The following SGCD variants were observed in gnomAD, a reference collection of about 807,000 sequenced individuals.
SGCD encodes sarcoglycan delta.
SGCD carries 18 observed loss-of-function variants against 36.6 expected under a neutral mutation model. The ratio of observed to expected loss-of-function variants is 0.49; its 90% CI spans 0.34 to 0.73. The LOEUF is 0.73. Ranked by LOEUF, SGCD falls within the 30% of genes least tolerant of loss-of-function variation. The probability of loss-of-function intolerance (pLI) is 0.01; values close to 1 mark genes in which losing one functional copy is unlikely to be tolerated. For missense variants in SGCD, 387 were observed against 346.7 expected (o/e 1.12, Z -0.92); for synonymous variants, 133 against 130.6 (o/e 1.02, Z -0.12).
intron 1 of SGCD, among the ~76,000 whole-genome samples, chr5:156,017,242 T>C (rs573263423): frequency 3.1e-4 from 47 of 152,332 alleles, no homozygotes; most frequent in African/African-American, 9.9e-4. Context: ...CTTATATATT[T>C]GAGATGACGC....
chr5:156,135,298 C>T (rs947141493), intron 3 of SGCD, among the ~76,000 whole-genome samples: 1 of 151,926 alleles, frequency 6.6e-6, no homozygotes, highest in Admixed American at 6.6e-5. Context: ...TTCATATTTT[C>T]CTCCTACCCA....
chr5:156,035,951 A>G (rs1389799519), intron 1 of SGCD, among the ~76,000 whole-genome samples: 3 of 152,166 alleles, frequency 2.0e-5, no homozygotes, highest in African/African-American at 7.2e-5. Context: ...TTTAATAGGG[A>G]AGCTGTTAGT....
At chr5:156,464,387 A>AT (rs1353897642) in intron 3 of SGCD, among the ~76,000 whole-genome samples, 12 of 151,722 alleles carry the variant, frequency 7.9e-5, no homozygotes, top group Admixed American at 5.3e-4. Context: ...TACCTGACTA[A>AT]TTTTTTGTAT....
chr5:155,872,570 T>C (rs1474951369), intron 1 of SGCD, among the ~76,000 whole-genome samples: 1 of 152,202 alleles, frequency 6.6e-6, no homozygotes, highest in African/African-American at 2.4e-5. Context: ...TAAAGGATGC[T>C]ATGCTTTTGT....
At chr5:155,751,261 T>C in the SGCD span, among the ~76,000 whole-genome samples, 6 of 152,196 alleles carry the variant, frequency 3.9e-5, no homozygotes, top group African/African-American at 1.4e-4. Context: ...ATTTTTGAGT[T>C]TGACAAGTTA....
At chr5:156,224,273 A>G (rs1241695891) in intron 3 of SGCD, among the ~76,000 whole-genome samples, 1 of 152,036 alleles carries the variant, frequency 6.6e-6, no homozygotes, top group Non-Finnish European at 1.5e-5. Context: ...CCATTCTCTT[A>G]AGAATTTGGC....
intron 1 of SGCD, among the ~76,000 whole-genome samples, chr5:155,997,581 C>T (rs1049576079): frequency 2.6e-5 from 4 of 152,224 alleles, no homozygotes; most frequent in Non-Finnish European, 5.9e-5. Context: ...TTGTTCCTCT[C>T]TTGTTTTAAG....
At chr5:156,718,189 T>C (rs1755312850) in intron 7 of SGCD, among the ~76,000 whole-genome samples, 1 of 152,184 alleles carries the variant, frequency 6.6e-6, no homozygotes, top group African/African-American at 2.4e-5. Flanking sequence ...CCATGCCATG[T>C]TCTTCTCTGA....
intron 1 of SGCD, among the ~76,000 whole-genome samples, chr5:156,075,540 G>T (rs181213347): frequency 6.6e-6 from 1 of 152,236 alleles, no homozygotes; most frequent in African/African-American, 2.4e-5. Context: ...GGATTTAAGG[G>T]TTGGAATCAA....
chr5:156,302,308 A>T (rs1353938085), intron 3 of SGCD, among the ~76,000 whole-genome samples: 2 of 151,992 alleles, frequency 1.3e-5, no homozygotes, highest in African/African-American at 2.4e-5. Context: ...AGACTGATGC[A>T]TTCTTCAGTA....
chr5:155,951,412 C>T (rs1459259218), intron 1 of SGCD, among the ~76,000 whole-genome samples: 3 of 151,900 alleles, frequency 2.0e-5, no homozygotes, highest in Admixed American at 6.6e-5. Flanking sequence ...GATGTTGGCC[C>T]AAAGAATTCA....
intron 4 of SGCD, among the ~76,000 whole-genome samples, chr5:156,540,223 G>A (rs576331507): frequency 6.6e-6 from 1 of 152,184 alleles, no homozygotes; most frequent in African/African-American, 2.4e-5. Context: ...TAATAAGATA[G>A]AAATATTGTA....
At chr5:156,262,976 AATTT>A (rs757247371) in intron 3 of SGCD, among the ~76,000 whole-genome samples, 31 of 151,890 alleles carry the variant, frequency 2.0e-4, no homozygotes, top group African/African-American at 5.8e-4. Context: ...TATACACTAC[AATTT>A]ATTTATCTAC....
chr5:156,046,629 C>T (rs56347212), intron 1 of SGCD, among the ~76,000 whole-genome samples: 23,097 of 151,984 alleles, frequency 0.15, 2,094 homozygotes, highest in Non-Finnish European at 0.2. Flanking sequence ...ATGCGACAGA[C>T]CCTGCCAATA....
chr5:156,523,682 A>G (rs1757505230), intron 4 of SGCD, among the ~76,000 whole-genome samples: 2 of 152,068 alleles, frequency 1.3e-5, no homozygotes, highest in African/African-American at 4.8e-5. Context: ...AATATGGTAG[A>G]GTGTTTCGAT....
At chr5:156,585,967 A>G (rs1301476671) in intron 4 of SGCD, among the ~76,000 whole-genome samples, 1 of 152,112 alleles carries the variant, frequency 6.6e-6, no homozygotes, top group Non-Finnish European at 1.5e-5. Flanking sequence ...TCCTATTAAC[A>G]TCTAATATTA....
chr5:155,882,679 G>T (rs1033601004), intron 1 of SGCD, among the ~76,000 whole-genome samples: 1 of 152,070 alleles, frequency 6.6e-6, no homozygotes, highest in Non-Finnish European at 1.5e-5. Context: ...TAGGTCTCAA[G>T]AGTGGACTTA....
chr5:156,632,255 T>C (rs1455958125), intron 6 of SGCD, among the ~76,000 whole-genome samples: 3 of 152,130 alleles, frequency 2.0e-5, no homozygotes, highest in Admixed American at 2.0e-4. Flanking sequence ...GATATTCTGA[T>C]TGGGCAGCCT....
intron 1 of SGCD, among the ~76,000 whole-genome samples, chr5:156,048,109 G>T (rs1759819739): frequency 6.6e-6 from 1 of 152,172 alleles, no homozygotes. Context: ...TGCTGAGAAT[G>T]ATGGTTTATA....
Sources: allele counts gnomAD v4.1 joint callset (sites outside exome capture counted in the v4.1 genomes callset), GRCh38; gene constraint gnomAD v4.1.1; transcripts MANE v1.5; gene names NCBI Gene and HGNC (gene_info 2026-07-23, HGNC 2026-07-21).